The following COG5 variants were observed in gnomAD, a reference collection of about 807,000 sequenced individuals.
COG5 encodes the protein conserved oligomeric Golgi complex subunit 5.
A neutral mutation model predicts 110.4 loss-of-function variants in COG5; 86 were observed. The observed-to-expected ratio is 0.78, with a 90% confidence interval of 0.65 to 0.93. The LOEUF (loss-of-function observed/expected upper bound fraction) is 0.93. Among genes scored for constraint, COG5 ranks in the 40% least tolerant of loss-of-function variants. The pLI is 0.00. For missense variants in COG5, 1,077 were observed against 987.0 expected, an observed-to-expected ratio of 1.09 and a Z score of -1.22; for synonymous variants, 360 against 334.6, an observed-to-expected ratio of 1.08 and a Z score of -0.83.
intron 10 of COG5, among the ~76,000 whole-genome samples, chr7:107,329,487 T>C (rs1357828549): frequency 6.6e-6 from 1 of 152,124 alleles, no homozygotes; most frequent in East Asian, 1.9e-4. Flanking sequence ...TCCCTATATA[T>C]ACACATATAT....
At chr7:107,218,030 CA>C (rs1344903727) in intron 19 of COG5, among the ~76,000 whole-genome samples, 8 of 151,850 alleles carry the variant, frequency 5.3e-5, no homozygotes, top group Middle Eastern at 3.2e-3. Flanking sequence ...AAAATTAAGA[CA>C]AATCTAATCA....
intron 6 of COG5, among the ~76,000 whole-genome samples, chr7:107,418,877 C>T (rs752011603): frequency 1.3e-5 from 2 of 151,974 alleles, no homozygotes; most frequent in East Asian, 1.9e-4. Flanking sequence ...GGGGTTCAAG[C>T]GATTCTGCTG....
At chr7:107,282,006 C>T (rs1232764956) in intron 13 of COG5, among the ~76,000 whole-genome samples, 1 of 109,362 alleles carries the variant, frequency 9.1e-6, no homozygotes, top group Admixed American at 9.9e-5. Flanking sequence ...GATCTGACTG[C>T]CAAAAAAAAA....
chr7:107,203,452 T>C lies in COG5; in HGVS notation c.*64A>G, dbSNP rs1291458343. The stretch of plus-strand genomic sequence containing the variant: ...TAGATAGTAGCAGTCTTTTGGAGTA[T>C]GTGTTTAACTGCCAACTATGAATGG... On this transcript the variant is annotated 3_prime_UTR_variant, in exon 22 of 22. Coordinates refer to ENST00000297135, the MANE Select transcript of COG5 (RefSeq NM_006348.5). 25 of 1,010,172 alleles carry C rather than the reference T, an allele frequency of 2.5e-5. No individual in the cohort carries two copies. Among genetic ancestry groups the C allele is most frequent in the Non-Finnish European group, 2.7e-5 (17 of 629,230 alleles). 62.6% of individuals were successfully genotyped at this position (1,010,172 alleles called of 1,614,324 possible).
Position 107,322,122 on chromosome 7 carries a change from G to C in COG5, c.1108+2318C>G, listed in dbSNP as rs183722032. On this transcript the variant is annotated intron_variant, in intron 11 of 21. Transcript: ENST00000297135. ...GCCTGTGAAAATGTGGTCAACATCT[G>C]CTATGGTCTGAATGGTTTTATCTCC... 1.2e-3 allele frequency among the ~76,000 whole-genome samples: 179 copies of C among 152,290 alleles called. 2 individuals carry two copies. The highest frequency in any genetic ancestry group is 4.1e-3 in the African/African-American group (170 of 41,552).
rs182860820 is a variant in COG5, at chr7:107,240,957, C to T, written c.1854-4270G>A. 1.3e-4 allele frequency among the ~76,000 whole-genome samples: 20 copies of T among 152,190 alleles called. No homozygotes were observed. In the East Asian group the frequency reaches 3.9e-3, roughly 29 times the overall value. On this transcript the variant is annotated intron_variant, in intron 17 of 21. Transcript: ENST00000297135. ...ATACACTGAGCTGAAATGGAGTCAC[C>T]AAAGCAACTGGGAAAAAAAATACGG...
chr7:107,527,215 TTA>T lies in COG5; in HGVS notation c.538+20_538+21del. ...ATTTAAATCTCTACTAACTTTTTAT[TTA>T]AAAAAAAAAAAAAACTTACCAAGTT... On this transcript the variant is annotated intron_variant, in intron 6 of 21. Coordinates refer to ENST00000297135, the MANE Select transcript of COG5 (RefSeq NM_006348.5). 7.0e-7 allele frequency: 1 copy of T among 1,425,550 alleles called. No homozygotes were observed. Among genetic ancestry groups the T allele is most frequent in the South Asian group, 1.3e-5 (1 of 77,396 alleles). 88.3% of individuals were successfully genotyped at this position (1,425,550 alleles called of 1,614,324 possible).
chr7:107,234,217 AGTAAATGCTGTGTGT>A (rs1219034020), intron 18 of COG5, among the ~76,000 whole-genome samples: 1 of 152,224 alleles, frequency 6.6e-6, no homozygotes, highest in Non-Finnish European at 1.5e-5. Flanking sequence ...CTTAACAGTG[AGTAAATGCTGTGTGT>A]GTAAATGCTT....
intron 14 of COG5, among the ~76,000 whole-genome samples, chr7:107,279,114 A>AAAAGTG (rs1422517511): frequency 6.6e-6 from 1 of 152,204 alleles, no homozygotes; most frequent in Non-Finnish European, 1.5e-5. Flanking sequence ...AACCCCATCA[A>AAAAGTG]AAAGTGGGCA....
At chr7:107,540,838 T>C (rs1801927641) in intron 5 of COG5, among the ~76,000 whole-genome samples, 1 of 151,664 alleles carries the variant, frequency 6.6e-6, no homozygotes, top group Non-Finnish European at 1.5e-5. Context: ...CTAGAAATAA[T>C]AAAGAATTAA....
In COG5 at chr7:107,496,657, C is replaced by CAAAAAAA. The variant is rs1010946735; in HGVS notation, c.538+30573_538+30579dup. The stretch of plus-strand genomic sequence containing the variant: ...CCTGGGTGACAGTGAGACTCTGTCT[C>CAAAAAAA]AAAAAAAAAACAAAAAACAAAAAAC... On this transcript the variant is annotated intron_variant, in intron 6 of 21. Coordinates refer to ENST00000297135, the MANE Select transcript of COG5 (RefSeq NM_006348.5). 9.9e-5 allele frequency among the ~76,000 whole-genome samples: 9 copies of CAAAAAAA among 90,618 alleles called. 1 individual carries two copies. The highest frequency in any genetic ancestry group is 3.4e-4 in the East Asian group (1 of 2,922). 59.4% of individuals were successfully genotyped at this position (90,618 alleles called of 152,430 possible).
chr7:107,404,003 A>G (rs537541083), intron 7 of COG5, among the ~76,000 whole-genome samples: 1 of 152,310 alleles, frequency 6.6e-6, no homozygotes, highest in South Asian at 2.1e-4. Context: ...AACAGAAAGT[A>G]ACAATTTAGT....
chr7:107,353,150 G>T (rs1484269931), intron 10 of COG5, among the ~76,000 whole-genome samples: 1 of 152,094 alleles, frequency 6.6e-6, no homozygotes, highest in Non-Finnish European at 1.5e-5. Context: ...TAGTGGCTGG[G>T]CGCGGTGGTT....
chr7:107,488,719 C>T (rs1157640853), intron 6 of COG5, among the ~76,000 whole-genome samples: 9 of 151,908 alleles, frequency 5.9e-5, no homozygotes, highest in African/African-American at 1.7e-4. Context: ...TGGTAGTGCA[C>T]GCCTGTAGTA....
At chr7:107,437,376 C>G (rs1244770221) in intron 6 of COG5, among the ~76,000 whole-genome samples, 2 of 152,106 alleles carry the variant, frequency 1.3e-5, no homozygotes, top group African/African-American at 4.8e-5. Context: ...AAACAACAAG[C>G]CAAAACCTGA....
At chr7:107,205,093 G>A (rs1361802384) in intron 21 of COG5, among the ~76,000 whole-genome samples, 1 of 152,196 alleles carries the variant, frequency 6.6e-6, no homozygotes, top group East Asian at 1.9e-4. Context: ...AGCCTCTTAA[G>A]GTGGTGAGCA....
chr7:107,238,046 T>C (rs922566087), intron 17 of COG5, among the ~76,000 whole-genome samples: 3 of 152,210 alleles, frequency 2.0e-5, no homozygotes, highest in African/African-American at 7.2e-5. Context: ...GTTATATGTA[T>C]ACAGTGTGGA....
Position 107,340,258 on chromosome 7 carries a change from A to T in COG5, c.1027-15737T>A, listed in dbSNP as rs766594729. Reference sequence around the variant, plus strand: ...CTATTAGGAACATCTCTATGCGTACAAACTAGAAAATCTAGAGGAAATGAA... The same window carrying T: ...CTATTAGGAACATCTCTATGCGTACTAACTAGAAAATCTAGAGGAAATGAA... On this transcript the variant is annotated intron_variant, in intron 10 of 21. Transcript: ENST00000297135. 7.6e-4 allele frequency among the ~76,000 whole-genome samples: 115 copies of T among 152,196 alleles called. 3 individuals are homozygous for T. The highest frequency in any genetic ancestry group is 5.1e-4 in the Non-Finnish European group (35 of 68,026).
At chr7:107,384,491 C>G (rs1815401049) in intron 7 of COG5, among the ~76,000 whole-genome samples, 1 of 152,152 alleles carries the variant, frequency 6.6e-6, no homozygotes, top group Non-Finnish European at 1.5e-5. Context: ...ACCAGGGACT[C>G]TGGCTTTGCG....
Sources: gnomAD v4.1 joint callset for allele counts (sites outside exome capture counted in the v4.1 genomes callset) on GRCh38, gnomAD v4.1.1 for gene constraint, MANE v1.5 for transcripts, NCBI Gene and HGNC (gene_info 2026-07-23, HGNC 2026-07-21) for gene names.